MICAL3: variants seen among roughly 807,000 people sequenced by gnomAD.
MICAL3 encodes the protein microtubule associated monooxygenase, calponin and LIM domain containing 3, also known as [F-actin]-monooxygenase MICAL3.
In MICAL3, 62 loss-of-function variants were observed where a neutral mutation model predicts 207.4. The observed-to-expected ratio is 0.30, with a 90% CI of 0.24 to 0.37. The LOEUF is 0.37. Ranked by LOEUF, MICAL3 falls within the 10% of genes least tolerant of loss-of-function variation. MICAL3 has a pLI of 1.00. For synonymous variants in MICAL3, 1,077 were observed against 1,069.3 expected (o/e 1.01, Z -0.14); for missense variants, 2,368 against 2,635.6 (o/e 0.90, Z 2.22).
intron 1 of MICAL3, among the ~76,000 whole-genome samples, chr22:17,938,491 T>C (rs1933653491): frequency 6.6e-6 from 1 of 152,190 alleles, no homozygotes. Context: ...GTGTTACCAA[T>C]GCTCCTCCTT....
intron 27 of MICAL3, chr22:17,813,022 C>T (rs2062065076): frequency 6.6e-6 from 1 of 152,146 alleles, no homozygotes; most frequent in Non-Finnish European, 1.5e-5. Flanking sequence ...CTCTCAGAGA[C>T]AGACGCAGCA....
chr22:17,803,525 C>A (rs1426163130), intron 29 of MICAL3: 4 of 151,906 alleles, frequency 2.6e-5, no homozygotes, highest in Admixed American at 2.6e-4. Context: ...ATTTAGGGGA[C>A]CAGGACGCAG....
In MICAL3 at chr22:17,801,318, A is replaced by C. The variant is rs2061937189; in HGVS notation, c.5650+7526T>G. On this transcript the variant is annotated intron_variant, in intron 29 of 31. Transcript: ENST00000441493. ...CAGGCGCCCGCCACTACGCCCGGCT[A>C]ATTTTTTTGTATTTTTAGTAGAGAC... Among the ~76,000 whole-genome samples the C allele has an allele frequency of 3.9e-5, 4 of 103,442 alleles. 1 individual carries two copies. The South Asian group carries it at 1.3e-3, about 33-fold the overall frequency. The allele number at this position is 103,442 out of a possible 152,430, so 67.9% of individuals were successfully genotyped here.
intron 17 of MICAL3, among the ~76,000 whole-genome samples, chr22:17,870,339 C>T (rs143470904): frequency 4.3e-4 from 65 of 152,304 alleles, no homozygotes; most frequent in African/African-American, 1.5e-3. Context: ...CAGATTTCCT[C>T]CTCCCCTGTG....
At chr22:17,987,029 G>C (rs1337169892) in intron 1 of MICAL3, among the ~76,000 whole-genome samples, 2 of 151,994 alleles carry the variant, frequency 1.3e-5, no homozygotes, top group African/African-American at 4.8e-5. Context: ...ATTGAGACTA[G>C]GAGTTCGAGG....
At chr22:17,860,869 G>A (rs1374481214) in intron 19 of MICAL3, 26 of 985,274 alleles carry the variant, frequency 2.6e-5, no homozygotes, top group East Asian at 1.1e-4. Context: ...TGAGGCTCCC[G>A]TGGTTCTCAG....
intron 19 of MICAL3, chr22:17,860,350 A>T (rs562769123): frequency 2.0e-6 from 2 of 985,450 alleles, no homozygotes; most frequent in African/African-American, 3.5e-5. Flanking sequence ...GGAAGTGGAG[A>T]GAAGGCGGGC....
chr22:17,817,018 T>C, intron 26 of MICAL3, among the ~76,000 whole-genome samples: 1 of 128,002 alleles, frequency 7.8e-6, no homozygotes, highest in South Asian at 2.4e-4. Context: ...CCCCTCCTGG[T>C]AGCACTGCCC....
At chr22:17,931,921 G>A (rs912595964) in intron 1 of MICAL3, among the ~76,000 whole-genome samples, 5 of 152,208 alleles carry the variant, frequency 3.3e-5, no homozygotes, top group Admixed American at 6.5e-5. Context: ...GTCAAGATCC[G>A]TGCTTGCAAT....
At chr22:17,822,893 T>G (rs951142230) in intron 23 of MICAL3, 54 bp downstream of exon 23, 3 of 1,208,496 alleles carry the variant, frequency 2.5e-6, no homozygotes, top group African/African-American at 3.0e-5. Context: ...GAAAGCATAT[T>G]GCCTTCATCT....
At chr22:17,898,275 A>G (rs12483803) in intron 7 of MICAL3, among the ~76,000 whole-genome samples, 24,270 of 152,254 alleles carry the variant, frequency 0.16, 2,440 homozygotes, top group East Asian at 0.32. Flanking sequence ...ACTGACAGCA[A>G]TGTAACCCTG....
intron 1 of MICAL3, among the ~76,000 whole-genome samples, chr22:17,957,775 A>C (rs1934703131): frequency 6.6e-6 from 1 of 151,854 alleles, no homozygotes; most frequent in Non-Finnish European, 1.5e-5. Flanking sequence ...TGAAAGAACG[A>C]AAGAAAGAAA....
intron 16 of MICAL3, among the ~76,000 whole-genome samples, chr22:17,885,655 T>A (rs5992892): frequency 0.023 from 3,554 of 152,262 alleles, 145 homozygotes; most frequent in African/African-American, 0.081. Context: ...CTGATTCTTG[T>A]CAGTGGACAC....
intron 17 of MICAL3, among the ~76,000 whole-genome samples, chr22:17,867,108 T>A (rs1270007295): frequency 4.6e-5 from 7 of 152,240 alleles, no homozygotes; most frequent in Non-Finnish European, 7.3e-5. Flanking sequence ...GATGATCTGA[T>A]TATATCTTTC....
chr22:17,952,135 C>T (rs1934380135), intron 1 of MICAL3, among the ~76,000 whole-genome samples: 1 of 152,214 alleles, frequency 6.6e-6, no homozygotes, highest in Non-Finnish European at 1.5e-5. Flanking sequence ...CTTACTGGAC[C>T]ACCCATCCTG....
Position 17,818,953 on chromosome 22 carries a change from A to G in MICAL3, c.3708T>C (p.Pro1236=). The change falls in exon 26 of 32, where the codon CCT becomes CCC. Residue 1236 remains proline (P), a synonymous_variant. Transcript: ENST00000441493. ...GGGGCTGCGGGCTCCCTGGTGAGAC[A>G]GGAGTCCTAGCTTCTGGCAGGGTCA... is the stretch of plus-strand genomic sequence containing the variant. ...QPVTLPEART[P]VSPGSPQPQP... 1 of 1,600,816 alleles carries G rather than the reference A, an allele frequency of 6.2e-7. No homozygotes were observed. The highest frequency in any genetic ancestry group is 8.5e-7 in the Non-Finnish European group (1 of 1,173,648).
At chr22:18,010,216 G>A (rs140669601) in intron 1 of MICAL3, among the ~76,000 whole-genome samples, 3,304 of 147,116 alleles carry the variant, frequency 0.022, 130 homozygotes, top group African/African-American at 0.081. Context: ...TGTAGGGAAG[G>A]GAAAGATGTC....
At chr22:17,914,293 A>G (rs970320452) in intron 1 of MICAL3, among the ~76,000 whole-genome samples, 2 of 152,192 alleles carry the variant, frequency 1.3e-5, no homozygotes, top group Admixed American at 1.3e-4. Flanking sequence ...CTAAAGGAGT[A>G]AGATCTGTGT....
intron 1 of MICAL3, among the ~76,000 whole-genome samples, chr22:17,943,355 G>C (rs1019297300): frequency 6.6e-6 from 1 of 151,978 alleles, no homozygotes; most frequent in Non-Finnish European, 1.5e-5. Context: ...GTAGAGACGG[G>C]GTTTCACCAT....
Sources: allele counts gnomAD v4.1 joint callset (sites outside exome capture counted in the v4.1 genomes callset), GRCh38; gene constraint gnomAD v4.1.1; transcripts MANE v1.5; gene names NCBI Gene and HGNC (gene_info 2026-07-23, HGNC 2026-07-21).